The following SLC25A4 variants were observed in gnomAD, a reference collection of about 807,000 sequenced individuals.
SLC25A4 encodes the protein ADP/ATP translocase 1.
A neutral mutation model predicts 24.7 loss-of-function variants in SLC25A4; 10 were observed. The ratio of observed to expected loss-of-function variants is 0.41; its 90% CI spans 0.25 to 0.69. The LOEUF is 0.69. Among genes scored for constraint, SLC25A4 ranks in the 30% least tolerant of loss-of-function variants. The pLI, the probability that SLC25A4 is intolerant of heterozygous loss-of-function variation, is 0.35. For synonymous variants in SLC25A4, 125 were observed against 153.3 expected, an observed-to-expected ratio of 0.82 and a Z score of 1.36; for missense variants, 273 against 387.6, an observed-to-expected ratio of 0.70 and a Z score of 2.48.
rs961652360 is a variant in SLC25A4 at position 185,143,355 on chromosome 4, G to C, written c.-18G>C. The C allele has an allele frequency of 3.4e-6, 5 of 1,453,350 alleles. No homozygotes were observed. Among genetic ancestry groups the C allele is most frequent in the South Asian group, 1.2e-5 (1 of 80,732 alleles). The allele number at this position is 1,453,350 out of a possible 1,614,324, so 90.0% of individuals were successfully genotyped here. The stretch of plus-strand genomic sequence containing the variant: ...CACGAACGGGCTGCCTGCGGGCTGA[G>C]AGCGTCGAGCTGTCACCATGGGTGA... On this transcript the variant is annotated 5_prime_UTR_variant, in exon 1 of 4. Transcript: ENST00000281456.
rs1347955290 is a variant in SLC25A4, at chr4:185,143,311, G to C, written c.-62G>C. On this transcript the variant is annotated 5_prime_UTR_variant, in exon 1 of 4. Transcript: ENST00000281456. ...GGTCGGGGACTGCGCGGCGGTGCCA[G>C]GCCGGGCGTGGGCGAGAGCACGAAC... The C allele has an allele frequency of 5.9e-6, 6 of 1,021,196 alleles. No individual in the cohort carries two copies. The highest frequency in any genetic ancestry group is 8.8e-6 in the Non-Finnish European group (6 of 684,198). 63.3% of individuals were successfully genotyped at this position (1,021,196 alleles called of 1,614,324 possible).
Position 185,150,145 on chromosome 4 carries a change from G to A in SLC25A4, c.*3174G>A, listed in dbSNP as rs1183771628. The A allele has an allele frequency of 2.0e-5, 3 of 152,256 alleles. No homozygotes were observed. The highest frequency in any genetic ancestry group is 1.3e-4 in the Admixed American group (2 of 15,292). 9.4% of individuals were successfully genotyped at this position (152,256 alleles called of 1,614,324 possible). A position where few individuals can be genotyped will look rare whatever the true frequency, so the allele number is the denominator to read the frequency against. On this transcript the variant is annotated 3_prime_UTR_variant, in exon 4 of 4. Transcript: ENST00000281456. ...GTACAGTGCCCAGGACAGAGAAGGT[G>A]TTTAGCAAGTTTCTGCTGAATGGAA...
chr4:185,144,847 G>A lies in SLC25A4; in HGVS notation c.195G>A (p.Gln65=). The change falls in exon 2 of 4, where the codon CAG becomes CAA. Residue 65 remains glutamine (Q), a synonymous_variant. Coordinates refer to ENST00000281456, the MANE Select transcript of SLC25A4 (RefSeq NM_001151.4). The stretch of plus-strand genomic sequence containing the variant: ...GTGTGGTGAGAATCCCTAAGGAGCA[G>A]GGCTTCCTCTCCTTCTGGAGGGGTA... ...IDCVVRIPKE[Q]GFLSFWRGNL... 2 of 1,614,166 alleles carry A rather than the reference G, an allele frequency of 1.2e-6. No homozygotes were observed. Among genetic ancestry groups the A allele is most frequent in the Non-Finnish European group, 1.7e-6 (2 of 1,180,032 alleles).
rs766586776 is a variant in SLC25A4, at chr4:185,145,266, C to T, written c.598+16C>T. 2.5e-6 allele frequency: 4 copies of T among 1,613,518 alleles called. No individual in the cohort carries two copies. The highest frequency in any genetic ancestry group is 3.4e-6 in the Non-Finnish European group (4 of 1,180,004). On this transcript the variant is annotated intron_variant, in intron 2 of 3. Transcript: ENST00000281456. The surrounding 1 kb of genome is among the most constrained non-coding windows in gnomAD (Gnocchi z 5.5). ...ACTGCCAAGGGTGAGAGAGGGGCATCGGGGAGAAGGAGGGTGGTGTGGAAA... is the reference window on the plus strand; with the variant it reads ...ACTGCCAAGGGTGAGAGAGGGGCATTGGGGAGAAGGAGGGTGGTGTGGAAA...
At chr4:185,144,530 C>G (rs980970071) in intron 1 of SLC25A4, among the ~76,000 whole-genome samples, 1 of 152,036 alleles carries the variant, frequency 6.6e-6, no homozygotes, top group African/African-American at 2.4e-5. Context: ...GGGGCAATAC[C>G]TTTTCCCTCA....
chr4:185,143,288 TCGGGGACTGCGCGGCGGTGCCAGGC>T lies in SLC25A4; in HGVS notation c.-80_-56del. 8 of 739,642 alleles carry T rather than the reference TCGGGGACTGCGCGGCGGTGCCAGGC, an allele frequency of 1.1e-5. No individual in the cohort carries two copies. Among genetic ancestry groups the T allele is most frequent in the Non-Finnish European group, 1.8e-5 (8 of 439,760 alleles). The allele number at this position is 739,642 out of a possible 1,614,324, so 45.8% of individuals were successfully genotyped here. A position where few individuals can be genotyped will look rare whatever the true frequency, so the allele number is the denominator to read the frequency against. On this transcript the variant is annotated 5_prime_UTR_variant, in exon 1 of 4. Coordinates refer to ENST00000281456, the MANE Select transcript of SLC25A4 (RefSeq NM_001151.4). ...GGCGGCCCCCTAGCGTCGCGCAGGGTCGGGGACTGCGCGGCGGTGCCAGGCCGGGCGTGGGCGAGAGCACGAACGG... is the reference window on the plus strand; with the variant it reads ...GGCGGCCCCCTAGCGTCGCGCAGGGTCGGGCGTGGGCGAGAGCACGAACGG...
At position 185,148,053 on chromosome 4, in the gene SLC25A4, C is replaced by T. The variant is rs565436147; in HGVS notation, c.*1082C>T. On this transcript the variant is annotated 3_prime_UTR_variant, in exon 4 of 4. Transcript: ENST00000281456. The stretch of plus-strand genomic sequence containing the variant: ...ATAACAAGGTACTGTAGACTGATGG[C>T]TTATAAGCAACAGAAACTTATTTCT... The T allele has an allele frequency of 6.6e-6, 1 of 152,074 alleles. No homozygotes were observed. The highest frequency in any genetic ancestry group is 1.9e-4 in the East Asian group (1 of 5,182). The allele number at this position is 152,074 out of a possible 1,614,324, so 9.4% of individuals were successfully genotyped here. A position where few individuals can be genotyped will look rare whatever the true frequency, so the allele number is the denominator to read the frequency against.
rs1276187777 is a variant in SLC25A4 at position 185,148,553 on chromosome 4, A to AGAT, written c.*1584_*1586dup. 2.0e-5 allele frequency: 3 copies of AGAT among 152,192 alleles called. No individual in the cohort carries two copies. Among genetic ancestry groups the AGAT allele is most frequent in the African/African-American group, 7.2e-5 (3 of 41,432 alleles). 9.4% of individuals were successfully genotyped at this position (152,192 alleles called of 1,614,324 possible). A position where few individuals can be genotyped will look rare whatever the true frequency, so the allele number is the denominator to read the frequency against. Reference sequence around the variant, plus strand: ...TGAAATGGGGGGAGGGAGTGGTAGGAGATGGAGGCTTTGAAAGAAAATAAC... The same window carrying AGAT: ...TGAAATGGGGGGAGGGAGTGGTAGGAGATGATGGAGGCTTTGAAAGAAAATAAC... On this transcript the variant is annotated 3_prime_UTR_variant, in exon 4 of 4. Transcript: ENST00000281456.
In SLC25A4 at chr4:185,147,143, CAT is replaced by C. The variant is rs112970805; in HGVS notation, c.*173_*174del. ...TTCATTGAGTGTTCATTAAACCACACATGTATTTTGTATTTATTTTACATTTA... is the reference window on the plus strand; with the variant it reads ...TTCATTGAGTGTTCATTAAACCACACGTATTTTGTATTTATTTTACATTTA... On this transcript the variant is annotated 3_prime_UTR_variant, in exon 4 of 4. Transcript: ENST00000281456. 5,034 of 587,788 alleles carry C rather than the reference CAT, an allele frequency of 8.6e-3. 181 individuals are homozygous for C. Among genetic ancestry groups the C allele is most frequent in the East Asian group, 0.064 (2,274 of 35,500 alleles). The allele number at this position is 587,788 out of a possible 1,614,324, so 36.4% of individuals were successfully genotyped here.
chr4:185,148,208 G>C lies in SLC25A4; in HGVS notation c.*1237G>C, dbSNP rs1430232737. On this transcript the variant is annotated 3_prime_UTR_variant, in exon 4 of 4. Transcript: ENST00000281456. ...GGCAGAAAGAGCGACAGAGCTCTCTGTAGTCCCTTTTATAAGCTCACTAAT... is the reference window on the plus strand; with the variant it reads ...GGCAGAAAGAGCGACAGAGCTCTCTCTAGTCCCTTTTATAAGCTCACTAAT... 1 of 152,070 alleles carries C rather than the reference G, an allele frequency of 6.6e-6. No individual in the cohort carries two copies. The highest frequency in any genetic ancestry group is 1.5e-5 in the Non-Finnish European group (1 of 68,022). 9.4% of individuals were successfully genotyped at this position (152,070 alleles called of 1,614,324 possible).
Position 185,149,176 on chromosome 4 carries a change from A to G in SLC25A4, c.*2205A>G, listed in dbSNP as rs953469764. 6.6e-6 allele frequency: 1 copy of G among 152,176 alleles called. No homozygotes were observed. The highest frequency in any genetic ancestry group is 2.4e-5 in the African/African-American group (1 of 41,414). The allele number at this position is 152,176 out of a possible 1,614,324, so 9.4% of individuals were successfully genotyped here. The stretch of plus-strand genomic sequence containing the variant: ...TTTCGTTCTAAGTGATCCAAACTCT[A>G]TTGCTGATAGGGAATAAAAGCAGGG... On this transcript the variant is annotated 3_prime_UTR_variant, in exon 4 of 4. Transcript: ENST00000281456.
At position 185,143,433 on chromosome 4, in the gene SLC25A4, G is replaced by A; in HGVS notation, c.61G>A (p.Val21Ile). ...CCTGGCCGGGGGCGTCGCCGCTGCC[G>A]TCTCCAAGACCGCGGTCGCCCCCAT... The part of the protein sequence containing the change: ...DFLAGGVAAA[V>I]SKTAVAPIER... Residue 21 changes from valine to isoleucine, a missense_variant, in exon 1 of 4, where the codon GTC becomes ATC. Physicochemically the swap from Val to Ile is conservative, Grantham distance 29 (BLOSUM62 3). Coordinates refer to ENST00000281456, the MANE Select transcript of SLC25A4 (RefSeq NM_001151.4). The A allele has an allele frequency of 1.3e-6, 2 of 1,519,098 alleles. No individual in the cohort carries two copies. Among genetic ancestry groups the A allele is most frequent in the Non-Finnish European group, 1.8e-6 (2 of 1,130,636 alleles). The allele number at this position is 1,519,098 out of a possible 1,614,324, so 94.1% of individuals were successfully genotyped here. A position where few individuals can be genotyped will look rare whatever the true frequency, so the allele number is the denominator to read the frequency against.
chr4:185,144,951 T>A lies in SLC25A4; in HGVS notation c.299T>A (p.Leu100Ter). The stretch of plus-strand genomic sequence containing the variant: ...AAGGACAAGTACAAGCAGCTCTTCT[T>A]AGGGGGTGTGGATCGGCATAAGCAG... ...AFKDKYKQLFLGGVDRHKQFW... is the reference protein window; with the variant it reads ...AFKDKYKQLF Residue 100 changes from leucine to a stop codon, truncating the protein, a stop_gained, in exon 2 of 4, where the codon TTA (leucine) becomes TAA (stop). Transcript: ENST00000281456. LOFTEE classifies it high-confidence loss of function. The A allele has an allele frequency of 6.2e-7, 1 of 1,614,194 alleles. No homozygotes were observed. Among genetic ancestry groups the A allele is most frequent in the Non-Finnish European group, 8.5e-7 (1 of 1,180,038 alleles).
chr4:185,147,202 A>C lies in SLC25A4; in HGVS notation c.*231A>C. On this transcript the variant is annotated 3_prime_UTR_variant, in exon 4 of 4. Transcript: ENST00000281456. ...CACAGCAAATAGAAAATAATTTATC[A>C]TACTTGTACAATTAACTGAAGAATT... 2.0e-6 allele frequency: 1 copy of C among 489,692 alleles called. No homozygotes were observed. Among genetic ancestry groups the C allele is most frequent in the Non-Finnish European group, 3.6e-6 (1 of 274,516 alleles). The allele number at this position is 489,692 out of a possible 1,614,324, so 30.3% of individuals were successfully genotyped here.
rs1236630406 is a variant in SLC25A4 at position 185,145,898 on chromosome 4, G to A, written c.738G>A (p.Gly246=). The stretch of plus-strand genomic sequence containing the variant: ...TGATGATGCAGTCCGGCCGGAAAGG[G>A]GGTAAGCTTGTGCTCTACTCATCTA... ...RRMMMQSGRK[G]ADIMYTGTVD... Residue 246 remains glycine, a splice_region_variant and synonymous_variant, in exon 3 of 4, where the codon GGG becomes GGA. Transcript: ENST00000281456. The surrounding 1 kb of genome is among the most constrained non-coding windows in gnomAD (Gnocchi z 5.5). 1.2e-6 allele frequency: 2 copies of A among 1,613,988 alleles called. No homozygotes were observed. Among genetic ancestry groups the A allele is most frequent in the African/African-American group, 2.7e-5 (2 of 74,928 alleles).
intron 1 of SLC25A4, 92 bp from the exon 2 acceptor site, chr4:185,144,672 A>G: frequency 8.0e-7 from 1 of 1,255,156 alleles, no homozygotes; most frequent in Non-Finnish European, 1.1e-6. Flanking sequence ...TCAAAAAAAA[A>G]ATCTAGGAAG....
chr4:185,146,063 C>A (rs954034342), intron 3 of SLC25A4, among the ~76,000 whole-genome samples, 164 bp downstream of exon 3: 42 of 152,086 alleles, frequency 2.8e-4, no homozygotes, highest in Non-Finnish European at 7.4e-5. Context: ...TCTCAACTAT[C>A]CTATTAGGGA....
In SLC25A4 at chr4:185,145,276, G is replaced by T; in HGVS notation, c.598+26G>T. ...GTGAGAGAGGGGCATCGGGGAGAAGGAGGGTGGTGTGGAAAGAGGATCCTA... is the reference window on the plus strand; with the variant it reads ...GTGAGAGAGGGGCATCGGGGAGAAGTAGGGTGGTGTGGAAAGAGGATCCTA... On this transcript the variant is annotated intron_variant, in intron 2 of 3. Coordinates refer to ENST00000281456, the MANE Select transcript of SLC25A4 (RefSeq NM_001151.4). The surrounding 1 kb of genome is among the most constrained non-coding windows in gnomAD (Gnocchi z 5.5). 1 of 1,613,526 alleles carries T rather than the reference G, an allele frequency of 6.2e-7. No homozygotes were observed.
chr4:185,143,951 A>G (rs1381181056), intron 1 of SLC25A4, among the ~76,000 whole-genome samples: 1 of 152,162 alleles, frequency 6.6e-6, no homozygotes, highest in East Asian at 1.9e-4. Flanking sequence ...TCTTTATGTA[A>G]CCTCTGTGAG....
Sources: gnomAD v4.1 joint callset for allele counts (sites outside exome capture counted in the v4.1 genomes callset) on GRCh38, gnomAD v4.1.1 for gene constraint, Gnocchi (gnomAD v3.1) non-coding constraint, MANE v1.5 for transcripts, NCBI Gene and HGNC (gene_info 2026-07-23, HGNC 2026-07-21) for gene names.